SV2C: variants seen among roughly 807,000 people sequenced by gnomAD.
The protein encoded by SV2C is synaptic vesicle glycoprotein 2C.
In SV2C, 49 loss-of-function variants were observed where a neutral mutation model predicts 79.7. That is an observed-to-expected ratio of 0.61 (90% CI 0.49 to 0.78). SV2C has a LOEUF of 0.78. Among genes scored for constraint, SV2C ranks in the 30% least tolerant of loss-of-function variants. The probability of loss-of-function intolerance (pLI) is 0.00; values close to 1 mark genes in which losing one functional copy is unlikely to be tolerated. For synonymous variants in SV2C, 334 were observed against 333.2 expected, an observed-to-expected ratio of 1.00 and a Z score of -0.03; for missense variants, 833 against 912.9, an observed-to-expected ratio of 0.91 and a Z score of 1.13.
At chr5:75,956,349 G>A in the SV2C span, among the ~76,000 whole-genome samples, 2 of 136,388 alleles carry the variant, frequency 1.5e-5, no homozygotes, top group Non-Finnish European at 3.1e-5. Context: ...TGAACAATGA[G>A]AACACATGGA....
the SV2C span, among the ~76,000 whole-genome samples, chr5:75,970,621 G>C: frequency 1.1e-4 from 17 of 151,992 alleles, no homozygotes; most frequent in Non-Finnish European, 1.3e-4. Flanking sequence ...AAGACTAAAC[G>C]AGGAAGAAGC....
chr5:76,002,530 A>G, the SV2C span, among the ~76,000 whole-genome samples: 2 of 152,228 alleles, frequency 1.3e-5, no homozygotes, highest in Non-Finnish European at 1.5e-5. Context: ...ACTAAAAACC[A>G]TTACACTGTA....
the SV2C span, among the ~76,000 whole-genome samples, chr5:76,044,310 T>C: frequency 1.3e-5 from 2 of 152,262 alleles, no homozygotes; most frequent in African/African-American, 4.8e-5. Context: ...CAGTCTATTA[T>C]TGATGTGCAT....
At chr5:76,063,968 C>T in the SV2C span, among the ~76,000 whole-genome samples, 1 of 152,014 alleles carries the variant, frequency 6.6e-6, no homozygotes, top group African/African-American at 2.4e-5. Flanking sequence ...TGAGTTTTGT[C>T]AATCACAACT....
intron 2 of SV2C, among the ~76,000 whole-genome samples, chr5:76,135,920 A>G (rs573952776): frequency 2.6e-5 from 4 of 152,342 alleles, no homozygotes; most frequent in African/African-American, 9.6e-5. Flanking sequence ...ATTAGGGCAG[A>G]ACAAGCAGCG....
the SV2C span, among the ~76,000 whole-genome samples, chr5:75,881,173 A>T: frequency 0.12 from 18,958 of 152,094 alleles, 1,397 homozygotes; most frequent in African/African-American, 0.22. Context: ...CCATATCCAA[A>T]ACTGGGGATT....
At chr5:76,135,369 TGC>T (rs1749031869) in intron 2 of SV2C, among the ~76,000 whole-genome samples, 5 of 152,152 alleles carry the variant, frequency 3.3e-5, no homozygotes, top group Non-Finnish European at 7.3e-5. Flanking sequence ...AAGACAACAC[TGC>T]CAATGACCTT....
At chr5:76,335,934 G>T (rs528960337), downstream of SV2C, among the ~76,000 whole-genome samples, 1 of 152,318 alleles carries the variant, frequency 6.6e-6, no homozygotes, top group South Asian at 2.1e-4. Flanking sequence ...ATGAGCTGTT[G>T]GGTACACCTC....
chr5:75,915,851 G>A, the SV2C span, among the ~76,000 whole-genome samples: 2 of 152,140 alleles, frequency 1.3e-5, no homozygotes, highest in Non-Finnish European at 1.5e-5. Context: ...CCTTGAAGAG[G>A]GGCAACTGGT....
At chr5:75,901,139 C>T in the SV2C span, among the ~76,000 whole-genome samples, 1 of 152,196 alleles carries the variant, frequency 6.6e-6, no homozygotes, top group Non-Finnish European at 1.5e-5. Flanking sequence ...GACCTGCATT[C>T]CTTTGGAAGA....
At chr5:75,850,586 A>G in the SV2C span, among the ~76,000 whole-genome samples, 8 of 152,278 alleles carry the variant, frequency 5.3e-5, no homozygotes, top group Non-Finnish European at 8.8e-5. Flanking sequence ...GTGGGTACAT[A>G]TGTAACAAAA....
At chr5:75,989,149 TTTTTA>T in the SV2C span, among the ~76,000 whole-genome samples, 1 of 151,900 alleles carries the variant, frequency 6.6e-6, no homozygotes, top group Non-Finnish European at 1.5e-5. Context: ...TTCTTTTCCT[TTTTTA>T]TTTTAAGTTC....
At chr5:76,044,649 C>T in the SV2C span, among the ~76,000 whole-genome samples, 1 of 152,192 alleles carries the variant, frequency 6.6e-6, no homozygotes, top group Non-Finnish European at 1.5e-5. Context: ...ATTTGCATTT[C>T]TCTAATAATC....
the SV2C span, among the ~76,000 whole-genome samples, chr5:75,927,943 C>T: frequency 6.6e-6 from 1 of 152,188 alleles, no homozygotes; most frequent in African/African-American, 2.4e-5. Context: ...CAGGAATTCC[C>T]ATATCCGGGG....
At chr5:76,341,799 T>C (rs1013794974) in intron 12 of SV2C, among the ~76,000 whole-genome samples, 1 of 152,042 alleles carries the variant, frequency 6.6e-6, no homozygotes, top group Non-Finnish European at 1.5e-5. Flanking sequence ...TTCCTTTCAC[T>C]ATGAGGATAT....
intron 1 of SV2C, among the ~76,000 whole-genome samples, chr5:76,099,994 A>T (rs933284398): frequency 6.6e-6 from 1 of 152,202 alleles, no homozygotes; most frequent in Admixed American, 6.5e-5. Flanking sequence ...ATGTACAGCC[A>T]TGTCAGCAAA....
chr5:75,885,685 G>A, the SV2C span, among the ~76,000 whole-genome samples: 1 of 152,212 alleles, frequency 6.6e-6, no homozygotes, highest in East Asian at 1.9e-4. Flanking sequence ...AAGTAGCTGG[G>A]ACTACAGGGT....
chr5:76,169,511 A>G (rs35502144), intron 2 of SV2C, among the ~76,000 whole-genome samples: 14,950 of 152,278 alleles, frequency 0.098, 910 homozygotes, highest in Non-Finnish European at 0.13. Context: ...TAAAGCCGAC[A>G]GAACTACTGG....
At chr5:76,185,163 C>T (rs1478486994) in intron 2 of SV2C, among the ~76,000 whole-genome samples, 1 of 152,240 alleles carries the variant, frequency 6.6e-6, no homozygotes, top group Non-Finnish European at 1.5e-5. Flanking sequence ...TATCTCACAT[C>T]CAGGTCACAC....
Sources: allele counts gnomAD v4.1 joint callset (sites outside exome capture counted in the v4.1 genomes callset), GRCh38; gene constraint gnomAD v4.1.1; transcripts MANE v1.5; gene names NCBI Gene and HGNC (gene_info 2026-07-23, HGNC 2026-07-21).